The following RAP1A variants were observed in gnomAD, a reference collection of about 807,000 sequenced individuals.
RAP1A encodes the protein RAP1A, member of RAS oncogene family, also known as ras-related protein Rap-1A.
In RAP1A, 6 loss-of-function variants were observed where a neutral mutation model predicts 26.4. That is an observed-to-expected ratio of 0.23 (90% CI 0.12 to 0.45). RAP1A has a LOEUF of 0.45. Among genes scored for constraint, RAP1A ranks in the 20% least tolerant of loss-of-function variants. The pLI, the probability that RAP1A is intolerant of heterozygous loss-of-function variation, is 0.99. For synonymous variants in RAP1A, 73 were observed against 79.4 expected, an observed-to-expected ratio of 0.92 and a Z score of 0.43; for missense variants, 121 against 217.2, an observed-to-expected ratio of 0.56 and a Z score of 2.78.
intron 1 of RAP1A, among the ~76,000 whole-genome samples, chr1:111,683,359 C>T (rs538289890): frequency 1.3e-5 from 2 of 151,938 alleles, no homozygotes; most frequent in South Asian, 4.2e-4. Context: ...AAAAAACCTT[C>T]AAAAAATCAA....
At chr1:111,674,616 A>G (rs1470067748) in intron 1 of RAP1A, among the ~76,000 whole-genome samples, 2 of 152,160 alleles carry the variant, frequency 1.3e-5, no homozygotes, top group Non-Finnish European at 2.9e-5. Flanking sequence ...TAATTTTTGG[A>G]AGAAAGTATT....
chr1:111,663,070 T>A (rs1173270382), intron 1 of RAP1A, among the ~76,000 whole-genome samples: 3 of 151,766 alleles, frequency 2.0e-5, no homozygotes, highest in Non-Finnish European at 2.9e-5. Context: ...CGAGCCACCA[T>A]GCCCAGTTAA....
chr1:111,567,194 C>T (rs1192434257), intron 1 of RAP1A, among the ~76,000 whole-genome samples: 1 of 152,026 alleles, frequency 6.6e-6, no homozygotes, highest in Non-Finnish European at 1.5e-5. Flanking sequence ...ATTATGAATG[C>T]AGTTATAAGA....
intron 1 of RAP1A, among the ~76,000 whole-genome samples, chr1:111,613,535 G>A (rs1030300733): frequency 2.0e-5 from 3 of 152,140 alleles, no homozygotes; most frequent in African/African-American, 7.2e-5. Context: ...TGTTCTCTTT[G>A]TTAAATAGTA....
At chr1:111,585,982 A>G (rs1658358223) in intron 1 of RAP1A, among the ~76,000 whole-genome samples, 1 of 152,176 alleles carries the variant, frequency 6.6e-6, no homozygotes, top group Non-Finnish European at 1.5e-5. Flanking sequence ...TTGATTTTAG[A>G]CAGTTCATTT....
intron 1 of RAP1A, among the ~76,000 whole-genome samples, chr1:111,651,873 A>G (rs1172146680): frequency 6.6e-6 from 1 of 151,872 alleles, no homozygotes; most frequent in Non-Finnish European, 1.5e-5. Flanking sequence ...TGGCCTCCCA[A>G]AGTGCTGGGA....
At position 111,619,930 on chromosome 1, in the gene RAP1A, G is replaced by T. The variant is rs964192998; in HGVS notation, c.-32G>T. 1 of 398,648 alleles carries T rather than the reference G, an allele frequency of 2.5e-6. No homozygotes were observed. Among genetic ancestry groups the T allele is most frequent in the Non-Finnish European group, 4.4e-6 (1 of 226,190 alleles). 24.7% of individuals were successfully genotyped at this position (398,648 alleles called of 1,614,324 possible). A position where few individuals can be genotyped will look rare whatever the true frequency, so the allele number is the denominator to read the frequency against. On this transcript the variant is annotated 5_prime_UTR_variant, in exon 1 of 8. Transcript: ENST00000369709. ...AGGAGGTGGAGGAGGCGCCGGACCG[G>T]GGGGGTGAGTAAGGGGCGGGGAGCT...
At chr1:111,697,263 CT>C (rs1027414970) in intron 3 of RAP1A, among the ~76,000 whole-genome samples, 177 bp from the exon 4 acceptor site, 38 of 152,162 alleles carry the variant, frequency 2.5e-4, no homozygotes, top group African/African-American at 9.2e-4. Flanking sequence ...TATGAATAGA[CT>C]GTACTTGAGA....
intron 1 of RAP1A, among the ~76,000 whole-genome samples, chr1:111,684,802 C>CA (rs1211815657): frequency 6.6e-6 from 1 of 152,020 alleles, no homozygotes; most frequent in African/African-American, 2.4e-5. Context: ...CATATGGAAC[C>CA]AAAAAACAGC....
chr1:111,684,811 G>C (rs1661418282), intron 1 of RAP1A, among the ~76,000 whole-genome samples: 1 of 152,088 alleles, frequency 6.6e-6, no homozygotes, highest in Non-Finnish European at 1.5e-5. Context: ...CCAAAAAACA[G>C]CCCATATAGC....
intron 1 of RAP1A, among the ~76,000 whole-genome samples, chr1:111,563,023 T>G (rs74112344): frequency 0.054 from 8,229 of 152,236 alleles, 764 homozygotes; most frequent in African/African-American, 0.19. Context: ...TATTATAATG[T>G]CAATATTGTG....
intron 1 of RAP1A, among the ~76,000 whole-genome samples, chr1:111,590,842 G>A (rs1335922186): frequency 6.6e-6 from 1 of 152,144 alleles, no homozygotes; most frequent in East Asian, 1.9e-4. Flanking sequence ...CTGCATTTAT[G>A]AGAGATTGGT....
intron 1 of RAP1A, among the ~76,000 whole-genome samples, chr1:111,664,931 A>G (rs1357490959): frequency 2.0e-5 from 3 of 152,238 alleles, no homozygotes; most frequent in Admixed American, 2.0e-4. Flanking sequence ...ATAACAGCAT[A>G]ATATATTCAA....
intron 1 of RAP1A, among the ~76,000 whole-genome samples, chr1:111,581,846 C>T (rs1658263419): frequency 6.6e-6 from 1 of 152,162 alleles, no homozygotes; most frequent in South Asian, 2.1e-4. Flanking sequence ...ATTAAGTGTC[C>T]ACTTTATATA....
intron 1 of RAP1A, among the ~76,000 whole-genome samples, chr1:111,641,256 A>G (rs1464420638): frequency 6.6e-6 from 1 of 152,220 alleles, no homozygotes; most frequent in Non-Finnish European, 1.5e-5. Context: ...TAAAAATTCC[A>G]TTCTTCAGAG....
At chr1:111,593,789 C>T (rs1658514300) in intron 1 of RAP1A, among the ~76,000 whole-genome samples, 2 of 148,376 alleles carry the variant, frequency 1.3e-5, no homozygotes, top group Admixed American at 1.4e-4. Context: ...TTTAATCTGT[C>T]ACAAAAAAAA....
Position 111,695,001 on chromosome 1 carries a change from A to G in RAP1A, c.58-340A>G, listed in dbSNP as rs182208504. 4.6e-5 allele frequency among the ~76,000 whole-genome samples: 7 copies of G among 152,270 alleles called. No homozygotes were observed. In the East Asian group the frequency reaches 1.2e-3, roughly 25 times the overall value. ...GGGCATGGGATAAAAGTTACTATAG[A>G]TATATAAAGGGGCAATAGGAGTTTA... On this transcript the variant is annotated intron_variant, in intron 2 of 7. Coordinates refer to ENST00000369709, the MANE Select transcript of RAP1A (RefSeq NM_002884.4).
intron 1 of RAP1A, among the ~76,000 whole-genome samples, chr1:111,594,502 T>TGGAA (rs10636653): frequency 0.24 from 27,290 of 113,992 alleles, 3,470 homozygotes; most frequent in African/African-American, 0.43. Flanking sequence ...GAAGGACAGA[T>TGGAA]GGAAGGAAGG....
chr1:111,551,263 G>A (rs1290057384), intron 1 of RAP1A, among the ~76,000 whole-genome samples: 3 of 151,940 alleles, frequency 2.0e-5, no homozygotes, highest in Admixed American at 1.3e-4. Flanking sequence ...AAGGGCTTAC[G>A]TGTGCCATTT....
Sources: allele counts gnomAD v4.1 joint callset (sites outside exome capture counted in the v4.1 genomes callset), GRCh38; gene constraint gnomAD v4.1.1; transcripts MANE v1.5; gene names NCBI Gene and HGNC (gene_info 2026-07-23, HGNC 2026-07-21).